RETREG1: variants seen among roughly 807,000 people sequenced by gnomAD.
RETREG1 encodes the protein reticulophagy regulator 1.
In RETREG1, 44 loss-of-function variants were observed where a neutral mutation model predicts 54.8. That is an observed-to-expected ratio of 0.80 (90% confidence interval 0.63 to 1.03). The LOEUF (loss-of-function observed/expected upper bound fraction) is 1.03. Ranked by LOEUF, RETREG1 falls within the 50% of genes least tolerant of loss-of-function variation. The pLI is 0.00. For missense variants in RETREG1, 554 were observed against 605.1 expected, an observed-to-expected ratio of 0.92 and a Z score of 0.89; for synonymous variants, 217 against 238.5, an observed-to-expected ratio of 0.91 and a Z score of 0.83.
At position 16,561,988 on chromosome 5, in the gene RETREG1, T is replaced by C. The variant is rs1326764008; in HGVS notation, c.458+3775A>G. ...AGTTAGAGAGAAAGCCTCGATTTCC[T>C]TGCCTGACAAATGAGGTAACCCAGG... On this transcript the variant is annotated intron_variant, in intron 3 of 8. Transcript: ENST00000306320. The surrounding 1 kb of genome is among the most constrained non-coding windows in gnomAD (Gnocchi z 4.2). Among the ~76,000 whole-genome samples the C allele has an allele frequency of 6.6e-6, 1 of 152,178 alleles. No individual in the cohort carries two copies. Among genetic ancestry groups the C allele is most frequent in the Admixed American group, 6.5e-5 (1 of 15,274 alleles).
intron 1 of RETREG1, among the ~76,000 whole-genome samples, chr5:16,611,121 C>T (rs1057041564): frequency 1.7e-4 from 26 of 152,078 alleles, no homozygotes; most frequent in African/African-American, 6.0e-4. Flanking sequence ...ATGAATGAAG[C>T]TGGAAACCAT....
intron 3 of RETREG1, among the ~76,000 whole-genome samples, chr5:16,487,588 C>T (rs4702146): frequency 0.48 from 72,963 of 152,150 alleles, 18,527 homozygotes; most frequent in Non-Finnish European, 0.57. Flanking sequence ...CTGTAAATGA[C>T]TCCCAAAAAA....
At chr5:16,496,389 C>T (rs1739460260) in intron 3 of RETREG1, among the ~76,000 whole-genome samples, 1 of 152,170 alleles carries the variant, frequency 6.6e-6, no homozygotes, top group African/African-American at 2.4e-5. Context: ...CACACTGCCA[C>T]CCCATGGACC....
At chr5:16,500,938 A>T (rs917751112) in intron 3 of RETREG1, among the ~76,000 whole-genome samples, 1 of 152,082 alleles carries the variant, frequency 6.6e-6, no homozygotes, top group Non-Finnish European at 1.5e-5. Context: ...CCTAGAGGAG[A>T]CTACCACCTA....
intron 3 of RETREG1, among the ~76,000 whole-genome samples, chr5:16,520,068 G>T (rs2126579343): frequency 6.6e-6 from 1 of 152,282 alleles, no homozygotes; most frequent in Non-Finnish European, 1.5e-5. Flanking sequence ...GCATGGCCTG[G>T]ACAGAGCGGA....
At chr5:16,563,041 C>G (rs1400877243) in intron 3 of RETREG1, among the ~76,000 whole-genome samples, 1 of 152,164 alleles carries the variant, frequency 6.6e-6, no homozygotes, top group Non-Finnish European at 1.5e-5. Flanking sequence ...GTACTGTCTT[C>G]TCAATTTTCT....
At chr5:16,496,260 A>G (rs943305074) in intron 3 of RETREG1, among the ~76,000 whole-genome samples, 1 of 152,238 alleles carries the variant, frequency 6.6e-6, no homozygotes, top group Non-Finnish European at 1.5e-5. Flanking sequence ...TCTAAACAAG[A>G]GAGCAGTTCA....
At chr5:16,494,009 G>A (rs1325021373) in intron 3 of RETREG1, among the ~76,000 whole-genome samples, 1 of 152,176 alleles carries the variant, frequency 6.6e-6, no homozygotes, top group Non-Finnish European at 1.5e-5. Flanking sequence ...CAGTCAAGAT[G>A]CTAGGCTGTT....
At chr5:16,535,127 C>A (rs1741018040) in intron 3 of RETREG1, among the ~76,000 whole-genome samples, 1 of 152,192 alleles carries the variant, frequency 6.6e-6, no homozygotes, top group South Asian at 2.1e-4. Flanking sequence ...AACCAGAATG[C>A]TTATGTCACT....
intron 2 of RETREG1, among the ~76,000 whole-genome samples, chr5:16,566,991 TG>T (rs1012824833): frequency 4.0e-5 from 6 of 151,850 alleles, no homozygotes; most frequent in Non-Finnish European, 8.8e-5. Flanking sequence ...GAGCCAAGAG[TG>T]GAGAAAGTAG....
At chr5:16,495,360 C>T (rs1284766125) in intron 3 of RETREG1, among the ~76,000 whole-genome samples, 1 of 152,128 alleles carries the variant, frequency 6.6e-6, no homozygotes, top group African/African-American at 2.4e-5. Flanking sequence ...TGCAAATAGC[C>T]AAGTCAATGA....
chr5:16,557,286 GA>G, intron 3 of RETREG1, among the ~76,000 whole-genome samples: 1 of 152,300 alleles, frequency 6.6e-6, no homozygotes, highest in East Asian at 1.9e-4. Flanking sequence ...TGTTCAGCAT[GA>G]GACTTTTTTT....
intron 1 of RETREG1, among the ~76,000 whole-genome samples, chr5:16,602,957 G>A (rs1354942110): frequency 3.3e-5 from 5 of 152,238 alleles, no homozygotes; most frequent in African/African-American, 7.2e-5. Flanking sequence ...GCGGTGAGCC[G>A]AGATGGCGCC....
intron 3 of RETREG1, among the ~76,000 whole-genome samples, chr5:16,488,717 A>G: frequency 6.6e-6 from 1 of 152,238 alleles, no homozygotes; most frequent in Middle Eastern, 3.2e-3. Context: ...TAGAATACTC[A>G]GAAGGGTCTT....
chr5:16,588,645 T>C (rs17541226), intron 1 of RETREG1, among the ~76,000 whole-genome samples: 53,460 of 152,146 alleles, frequency 0.35, 10,559 homozygotes, highest in Non-Finnish European at 0.45. Context: ...CATTCACTCA[T>C]GCTGCTACAC....
At chr5:16,481,233 A>T (rs1275550394) in intron 4 of RETREG1, 140 bp from the exon 5 acceptor site, 2 of 685,168 alleles carry the variant, frequency 2.9e-6, no homozygotes, top group South Asian at 1.6e-5. Flanking sequence ...TCCAAAGAGC[A>T]TTATTTTGCA....
At chr5:16,576,283 T>G (rs1742314124) in intron 1 of RETREG1, among the ~76,000 whole-genome samples, 1 of 143,806 alleles carries the variant, frequency 7.0e-6, no homozygotes. Flanking sequence ...AAAACAAGAT[T>G]TTTTCTTTTT....
At chr5:16,572,796 C>T (rs1176347795) in intron 1 of RETREG1, among the ~76,000 whole-genome samples, 1 of 152,104 alleles carries the variant, frequency 6.6e-6, no homozygotes, top group Non-Finnish European at 1.5e-5. Context: ...CACGGATGGG[C>T]TGCACTACAG....
chr5:16,483,307 T>C (rs771100675), intron 4 of RETREG1, 39 bp downstream of exon 4: 1 of 1,610,516 alleles, frequency 6.2e-7, no homozygotes, highest in South Asian at 1.1e-5. Context: ...TCCAAGTAAC[T>C]GAACATTTTA....
Sources: gnomAD v4.1 joint callset for allele counts (sites outside exome capture counted in the v4.1 genomes callset) on GRCh38, gnomAD v4.1.1 for gene constraint, Gnocchi (gnomAD v3.1) non-coding constraint, MANE v1.5 for transcripts, NCBI Gene and HGNC (gene_info 2026-07-23, HGNC 2026-07-21) for gene names.